SNCAIP: variants seen among roughly 807,000 people sequenced by gnomAD.
SNCAIP encodes synphilin-1.
In SNCAIP, 43 loss-of-function variants were observed where a neutral mutation model predicts 86.7. The ratio of observed to expected loss-of-function variants is 0.50; its 90% confidence interval spans 0.39 to 0.64. The LOEUF is 0.64. Ranked by LOEUF, SNCAIP falls within the 30% of genes least tolerant of loss-of-function variation. The probability of loss-of-function intolerance (pLI) is 0.00; values close to 1 mark genes in which losing one functional copy is unlikely to be tolerated. For synonymous variants in SNCAIP, 417 were observed against 427.2 expected, an observed-to-expected ratio of 0.98 and a Z score of 0.29; for missense variants, 981 against 1,103.1, an observed-to-expected ratio of 0.89 and a Z score of 1.57.
intron 1 of SNCAIP, among the ~76,000 whole-genome samples, chr5:122,347,068 G>A (rs752119224): frequency 6.6e-6 from 1 of 151,978 alleles, no homozygotes. Flanking sequence ...TTCCAGATGT[G>A]AGTGAGCTAA....
chr5:122,403,856 G>C lies in SNCAIP; in HGVS notation c.121G>C (p.Asp41His). Residue 41 changes from aspartate (D) to histidine (H), a missense_variant, in exon 3 of 11, where the codon GAC becomes CAC. Asp to His is a moderately conservative substitution (Grantham distance 81). Transcript: ENST00000261368. ...CCGAAGATGTGATACGCAAAACGAA[G>C]ACAGATCAGGTAGGTTTTGCTCCTC... The part of the protein sequence containing the change: ...LCRRCDTQNE[D>H]RSVSSSSWNC... 1 of 1,613,386 alleles carries C rather than the reference G, an allele frequency of 6.2e-7. No homozygotes were observed. Among genetic ancestry groups the C allele is most frequent in the Non-Finnish European group, 8.5e-7 (1 of 1,179,384 alleles).
At chr5:122,376,346 T>C (rs1765316422) in intron 1 of SNCAIP, among the ~76,000 whole-genome samples, 1 of 148,334 alleles carries the variant, frequency 6.7e-6, no homozygotes, top group Non-Finnish European at 1.5e-5. Flanking sequence ...TTTTGCAAAA[T>C]CAAAATAAAG....
At chr5:122,331,912 C>G (rs1755431115) in intron 1 of SNCAIP, among the ~76,000 whole-genome samples, 1 of 152,222 alleles carries the variant, frequency 6.6e-6, no homozygotes, top group South Asian at 2.1e-4. Flanking sequence ...TCAAACCTAG[C>G]ACAGTGCCTG....
At chr5:122,415,855 G>A (rs1370935889) in intron 3 of SNCAIP, among the ~76,000 whole-genome samples, 3 of 152,196 alleles carry the variant, frequency 2.0e-5, no homozygotes, top group Non-Finnish European at 4.4e-5. Flanking sequence ...GGGAAAGAAG[G>A]AAAGGAAACC....
intron 7 of SNCAIP, 122 bp downstream of exon 7, chr5:122,440,876 TAAGG>T: frequency 1.1e-6 from 1 of 900,356 alleles, no homozygotes; most frequent in Non-Finnish European, 1.8e-6. Context: ...TCGTAGACAA[TAAGG>T]AATTATTGCT....
chr5:122,423,197 C>G lies in SNCAIP; in HGVS notation c.460C>G (p.Leu154Val). ...CTACGACCTCGACATGGATGAGATT[C>G]TGGATGTGCCTTATATTAAATCCAG... Reference protein sequence around the residue: ...EHYDLDMDEILDVPYIKSSQQ... With the variant: ...EHYDLDMDEIVDVPYIKSSQQ... The change falls in exon 4 of 11, where the codon CTG (leucine) becomes GTG (valine). Residue 154 changes from leucine (L) to valine (V), a missense_variant. Physicochemically the swap from Leu to Val is conservative, Grantham distance 32. Coordinates refer to ENST00000261368, the MANE Select transcript of SNCAIP (RefSeq NM_005460.4). 6.2e-7 allele frequency: 1 copy of G among 1,614,166 alleles called. No homozygotes were observed.
At chr5:122,404,201 C>T (rs992978204) in intron 3 of SNCAIP, among the ~76,000 whole-genome samples, 6 of 152,126 alleles carry the variant, frequency 3.9e-5, no homozygotes, top group African/African-American at 4.8e-5. Context: ...ATGATGCAGG[C>T]GCCAATGAAA....
chr5:122,427,229 G>T (rs776096178), intron 5 of SNCAIP, among the ~76,000 whole-genome samples: 1 of 152,100 alleles, frequency 6.6e-6, no homozygotes, highest in Non-Finnish European at 1.5e-5. Context: ...TGAGTAGAAG[G>T]TACATAAGAA....
At chr5:122,365,085 G>A (rs954536891) in intron 1 of SNCAIP, among the ~76,000 whole-genome samples, 1 of 151,908 alleles carries the variant, frequency 6.6e-6, no homozygotes, top group South Asian at 2.1e-4. Flanking sequence ...TTGGCTTCCT[G>A]TCTACTTTGT....
chr5:122,346,546 C>G (rs1403083121), intron 1 of SNCAIP, among the ~76,000 whole-genome samples: 1 of 151,884 alleles, frequency 6.6e-6, no homozygotes, highest in Non-Finnish European at 1.5e-5. Context: ...ATAAAACTTC[C>G]TCTTTTCTCT....
chr5:122,440,008 A>C (rs975946234), intron 6 of SNCAIP, among the ~76,000 whole-genome samples: 5 of 152,120 alleles, frequency 3.3e-5, no homozygotes, highest in African/African-American at 7.2e-5. Flanking sequence ...GGAAATCTTT[A>C]CCTTAAGACA....
chr5:122,390,683 G>T (rs1275518402), intron 1 of SNCAIP, among the ~76,000 whole-genome samples: 1 of 152,166 alleles, frequency 6.6e-6, no homozygotes, highest in Non-Finnish European at 1.5e-5. Flanking sequence ...TATGCCCACA[G>T]GAAACATTTG....
upstream of SNCAIP, chr5:122,311,360 A>C (rs1217066227): frequency 6.6e-6 from 1 of 152,290 alleles, no homozygotes; most frequent in African/African-American, 2.4e-5. Context: ...ACTTGAGCAC[A>C]GAACATTCCA....
chr5:122,450,080 A>G (rs1783384972), intron 9 of SNCAIP, 143 bp downstream of exon 9: 4 of 670,982 alleles, frequency 6.0e-6, no homozygotes, highest in South Asian at 3.7e-5. Flanking sequence ...GAGAAATCAC[A>G]GTGAAAAAGG....
chr5:122,369,420 TGCCTCAG>T (rs1358360250), intron 1 of SNCAIP, among the ~76,000 whole-genome samples: 2 of 152,240 alleles, frequency 1.3e-5, no homozygotes, highest in Non-Finnish European at 2.9e-5. Flanking sequence ...AAACCTAGAT[TGCCTCAG>T]GCCACACGGA....
At position 122,348,423 on chromosome 5, in the gene SNCAIP, A is replaced by G. The variant is rs111807540; in HGVS notation, c.-47+36139A>G. Among the ~76,000 whole-genome samples the G allele has an allele frequency of 8.3e-3, 1,270 of 152,240 alleles. 12 individuals are homozygous for G. Among genetic ancestry groups the G allele is most frequent in the African/African-American group, 0.028 (1,179 of 41,568 alleles). Reference sequence around the variant, plus strand: ...TCTGAGTCCCCACAGATCAGTTACAATGGAGTTGTCAGAAGAGGAACATAT... The same window carrying G: ...TCTGAGTCCCCACAGATCAGTTACAGTGGAGTTGTCAGAAGAGGAACATAT... On this transcript the variant is annotated intron_variant, in intron 1 of 10. Transcript: ENST00000261368.
At chr5:122,439,716 A>T (rs1780376643) in intron 6 of SNCAIP, among the ~76,000 whole-genome samples, 1 of 152,012 alleles carries the variant, frequency 6.6e-6, no homozygotes, top group African/African-American at 2.4e-5. Flanking sequence ...CAAACACATG[A>T]TCATCTTTTT....
At chr5:122,364,282 T>G (rs1047450647) in intron 1 of SNCAIP, among the ~76,000 whole-genome samples, 3 of 152,232 alleles carry the variant, frequency 2.0e-5, no homozygotes, top group African/African-American at 7.2e-5. Flanking sequence ...CCAGCAGCCC[T>G]TAGGGCTGCG....
At chr5:122,346,621 A>G (rs1192718254) in intron 1 of SNCAIP, among the ~76,000 whole-genome samples, 6 of 152,082 alleles carry the variant, frequency 3.9e-5, no homozygotes, top group African/African-American at 1.4e-4. Flanking sequence ...CAAAGAATAG[A>G]TTTGTAGACT....
Sources: allele counts gnomAD v4.1 joint callset (sites outside exome capture counted in the v4.1 genomes callset), GRCh38; gene constraint gnomAD v4.1.1; transcripts MANE v1.5; gene names NCBI Gene and HGNC (gene_info 2026-07-23, HGNC 2026-07-21).